Variants in SNX10 observed in about 807,000 individuals in gnomAD.
SNX10 encodes the protein sorting nexin 10.
SNX10 carries 25 observed loss-of-function variants against 28.5 expected under a neutral mutation model. That is an observed-to-expected ratio of 0.88 (90% CI 0.64 to 1.22). The LOEUF (loss-of-function observed/expected upper bound fraction) is 1.22, where lower values mean the gene tolerates loss of function less well. Among genes scored for constraint, SNX10 ranks in the 50% most tolerant of loss-of-function variants. SNX10 has a pLI of 0.00. For missense variants in SNX10, 223 were observed against 242.6 expected, an observed-to-expected ratio of 0.92 and a Z score of 0.54; for synonymous variants, 62 against 81.4, an observed-to-expected ratio of 0.76 and a Z score of 1.28.
At chr7:26,323,523 A>T (rs927775133) in intron 1 of SNX10, among the ~76,000 whole-genome samples, 11 of 152,092 alleles carry the variant, frequency 7.2e-5, no homozygotes, top group African/African-American at 2.7e-4. Context: ...AACACAGAGG[A>T]GAGGAAGAGA....
In SNX10 at chr7:26,331,596, TAAATA is replaced by T. The variant is rs1160780458; in HGVS notation, c.-23-14813_-23-14809del. 8.5e-5 allele frequency among the ~76,000 whole-genome samples: 13 copies of T among 152,214 alleles called. No homozygotes were observed. The East Asian group carries it at 2.1e-3, about 25-fold the overall frequency. ...GCTAGACCCTGTCTCAAAAAATAAA[TAAATA>T]AAATAAAATATAAATAAAATGCATA... On this transcript the variant is annotated intron_variant, in intron 1 of 6. Coordinates refer to ENST00000338523, the MANE Select transcript of SNX10 (RefSeq NM_013322.3).
At chr7:26,366,115 A>G (rs1348044041) in intron 5 of SNX10, among the ~76,000 whole-genome samples, 1 of 152,180 alleles carries the variant, frequency 6.6e-6, no homozygotes, top group Admixed American at 6.5e-5. Context: ...TCATATGACT[A>G]CTAGTTACTG....
At chr7:26,302,630 G>A (rs1378240600) in intron 1 of SNX10, among the ~76,000 whole-genome samples, 2 of 152,174 alleles carry the variant, frequency 1.3e-5, no homozygotes, top group Non-Finnish European at 2.9e-5. Context: ...TTTCACCAGC[G>A]TGGCTGCTTT....
At chr7:26,370,254 G>A (rs1238841140) in intron 5 of SNX10, 1 of 152,154 alleles carries the variant, frequency 6.6e-6, no homozygotes, top group Non-Finnish European at 1.5e-5. Context: ...TTAATCTGAA[G>A]TATTTAAAAA....
intron 1 of SNX10, among the ~76,000 whole-genome samples, chr7:26,316,199 A>AC (rs1283372387): frequency 1.3e-5 from 2 of 150,888 alleles, no homozygotes; most frequent in African/African-American, 4.9e-5. Flanking sequence ...AAAAAAAAAC[A>AC]AAAAACCTAG....
At chr7:26,294,876 A>G (rs77371908) in intron 1 of SNX10, among the ~76,000 whole-genome samples, 20 of 152,334 alleles carry the variant, frequency 1.3e-4, no homozygotes, top group Non-Finnish European at 2.6e-4. Flanking sequence ...GCGAGAGCCA[A>G]AATTTGAACT....
intron 2 of SNX10, among the ~76,000 whole-genome samples, chr7:26,355,586 T>A (rs1380611337): frequency 6.6e-6 from 1 of 152,228 alleles, no homozygotes; most frequent in Non-Finnish European, 1.5e-5. Context: ...TACTATGTGC[T>A]AGTACCATGC....
At chr7:26,325,720 C>G (rs1489827995) in intron 1 of SNX10, among the ~76,000 whole-genome samples, 1 of 134,314 alleles carries the variant, frequency 7.4e-6, no homozygotes, top group Non-Finnish European at 1.6e-5. Context: ...GTATACGAAA[C>G]AAAATTAGAG....
chr7:26,347,894 T>C (rs1484089279), intron 2 of SNX10, among the ~76,000 whole-genome samples: 1 of 152,108 alleles, frequency 6.6e-6, no homozygotes, highest in Non-Finnish European at 1.5e-5. Flanking sequence ...ATAATATGTA[T>C]AGTAAAATGC....
chr7:26,369,324 T>C (rs1019482117), intron 5 of SNX10, among the ~76,000 whole-genome samples: 2 of 152,026 alleles, frequency 1.3e-5, no homozygotes, highest in African/African-American at 4.8e-5. Flanking sequence ...AAGGAAAAAA[T>C]AGTATTTAAT....
In SNX10 at chr7:26,373,172, C is replaced by T. The variant is rs990870582; in HGVS notation, c.*600C>T. On this transcript the variant is annotated 3_prime_UTR_variant, in exon 7 of 7. Coordinates refer to ENST00000338523, the MANE Select transcript of SNX10 (RefSeq NM_013322.3). This position sits in a 1 kb window ranked among gnomAD's most constrained non-coding sequence, Gnocchi z 4.2. ...TGGAAATGTATCTTATGAATAGAGA[C>T]ATATTAAAATAATGTTTACATCTTA... 1 of 152,032 alleles carries T rather than the reference C, an allele frequency of 6.6e-6. No homozygotes were observed. Among genetic ancestry groups the T allele is most frequent in the African/African-American group, 2.4e-5 (1 of 41,420 alleles). The allele number at this position is 152,032 out of a possible 1,614,324, so 9.4% of individuals were successfully genotyped here. A position where few individuals can be genotyped will look rare whatever the true frequency, so the allele number is the denominator to read the frequency against.
chr7:26,357,544 G>GGAAAGC (rs1788876678), intron 2 of SNX10, among the ~76,000 whole-genome samples: 1 of 152,056 alleles, frequency 6.6e-6, no homozygotes, highest in Admixed American at 6.5e-5. Context: ...ATTTTCAGAA[G>GGAAAGC]GAAAGCAACA....
intron 1 of SNX10, among the ~76,000 whole-genome samples, chr7:26,293,507 T>C (rs1418626720): frequency 6.6e-6 from 1 of 152,146 alleles, no homozygotes; most frequent in African/African-American, 2.4e-5. Flanking sequence ...CGCTCGGCCT[T>C]TTATTACTAT....
At chr7:26,320,710 G>T (rs551601688) in intron 1 of SNX10, among the ~76,000 whole-genome samples, 1 of 152,118 alleles carries the variant, frequency 6.6e-6, no homozygotes, top group Non-Finnish European at 1.5e-5. Context: ...GGGATTACAG[G>T]CATGAGCCAC....
At chr7:26,361,095 A>G (rs1333315505) in intron 3 of SNX10, 34 bp downstream of exon 3, 2 of 1,557,966 alleles carry the variant, frequency 1.3e-6, no homozygotes, top group Non-Finnish European at 1.7e-6. Flanking sequence ...AGTAATTTTG[A>G]GGGACTTTTA....
intron 1 of SNX10, among the ~76,000 whole-genome samples, chr7:26,298,041 G>A (rs1786180764): frequency 2.0e-5 from 3 of 152,214 alleles, no homozygotes; most frequent in African/African-American, 7.2e-5. Context: ...GACCAGCCTG[G>A]CCAACATGGT....
At chr7:26,296,064 G>A (rs775805120) in intron 1 of SNX10, among the ~76,000 whole-genome samples, 11 of 151,314 alleles carry the variant, frequency 7.3e-5, no homozygotes, top group Non-Finnish European at 1.3e-4. Flanking sequence ...GAGCCCAGGA[G>A]GTTGAGGCTG....
chr7:26,338,602 C>G (rs1189942963), intron 1 of SNX10, among the ~76,000 whole-genome samples: 1 of 152,116 alleles, frequency 6.6e-6, no homozygotes, highest in Non-Finnish European at 1.5e-5. Flanking sequence ...GGGGTTTCAC[C>G]GTGTTGTTAG....
rs1004701043 is a variant in SNX10 at position 26,351,730 on chromosome 7, C to G, written c.24+5264C>G. ...GGAGTGCAGTGGTGCGATCTCGACTCACTGCAAGCTCCACCTCCCGGGTTC... is the reference window on the plus strand; with the variant it reads ...GGAGTGCAGTGGTGCGATCTCGACTGACTGCAAGCTCCACCTCCCGGGTTC... On this transcript the variant is annotated intron_variant, in intron 2 of 6. Transcript: ENST00000338523. Among the ~76,000 whole-genome samples, 3 of 145,644 alleles carry G rather than the reference C, an allele frequency of 2.1e-5. No individual in the cohort carries two copies. The East Asian group carries it at 6.4e-4, about 31-fold the overall frequency.
Sources: allele counts gnomAD v4.1 joint callset (sites outside exome capture counted in the v4.1 genomes callset), GRCh38; gene constraint gnomAD v4.1.1; non-coding constraint Gnocchi (gnomAD v3.1); transcripts MANE v1.5; gene names NCBI Gene and HGNC (gene_info 2026-07-23, HGNC 2026-07-21).